The following BLTP2 variants were observed in gnomAD, a reference collection of about 807,000 sequenced individuals.
BLTP2 encodes the protein bridge-like lipid transfer protein family member 2.
the BLTP2 span, chr17:28,640,061 G>C: frequency 1.2e-6 from 2 of 1,608,100 alleles, no homozygotes; most frequent in Non-Finnish European, 8.5e-7. Flanking sequence ...GGAAGATGTG[G>C]AATGCCATTC....
chr17:28,644,852 G>A, the BLTP2 span: 1 of 655,296 alleles, frequency 1.5e-6, no homozygotes, highest in South Asian at 1.8e-5. Flanking sequence ...CTCGCCGCGC[G>A]CCCCCTCCCT....
the BLTP2 span, chr17:28,619,012 G>GC: frequency 6.4e-7 from 1 of 1,553,698 alleles, no homozygotes; most frequent in South Asian, 1.1e-5. Flanking sequence ...AAGGGAAACA[G>GC]CACATGGGTT....
chr17:28,616,824 G>A, the BLTP2 span: 13 of 1,606,058 alleles, frequency 8.1e-6, no homozygotes, highest in African/African-American at 2.7e-5. The surrounding 1 kb of genome is among the most constrained non-coding windows in gnomAD (Gnocchi z 4.8). Flanking sequence ...TCCTAATATC[G>A]TGTAACACAC....
At chr17:28,631,990 A>C in the BLTP2 span, 1 of 1,607,418 alleles carries the variant, frequency 6.2e-7, no homozygotes, top group Non-Finnish European at 8.5e-7. Flanking sequence ...CAATATGAGA[A>C]ACAAGAAAAC....
chr17:28,619,138 G>C, the BLTP2 span, among the ~76,000 whole-genome samples: 1 of 152,094 alleles, frequency 6.6e-6, no homozygotes, highest in African/African-American at 2.4e-5. Flanking sequence ...TGACATTCTA[G>C]GTCATAGGAG....
chr17:28,631,049 A>T, the BLTP2 span, among the ~76,000 whole-genome samples: 1 of 152,228 alleles, frequency 6.6e-6, no homozygotes, highest in African/African-American at 2.4e-5. Context: ...TTAATCTGCA[A>T]CCTACTCCTA....
the BLTP2 span, chr17:28,638,929 T>A: frequency 2.3e-6 from 1 of 430,458 alleles, no homozygotes; most frequent in Non-Finnish European, 4.1e-6. Flanking sequence ...GAACCTAAAA[T>A]AACCAAGAAG....
At chr17:28,639,441 G>A in the BLTP2 span, 2 of 1,612,728 alleles carry the variant, frequency 1.2e-6, no homozygotes, top group Admixed American at 1.7e-5. Context: ...TAGGGAGGCT[G>A]AGAGGTCAAT....
At chr17:28,641,810 G>GT in the BLTP2 span, 42 of 1,263,008 alleles carry the variant, frequency 3.3e-5, no homozygotes, top group South Asian at 5.5e-4. Flanking sequence ...TAAATAAGCA[G>GT]TGAGACCACT....
the BLTP2 span, chr17:28,632,367 A>G: frequency 1.4e-6 from 1 of 691,424 alleles, no homozygotes; most frequent in Non-Finnish European, 2.4e-6. Context: ...CCTCACATTC[A>G]GCATCCCCAA....
the BLTP2 span, chr17:28,638,154 C>G: frequency 6.3e-7 from 1 of 1,599,354 alleles, no homozygotes; most frequent in Non-Finnish European, 8.5e-7. Context: ...TTATAATGCC[C>G]TAATGCACTT....
At chr17:28,637,938 C>G in the BLTP2 span, 3 of 1,614,100 alleles carry the variant, frequency 1.9e-6, no homozygotes, top group Admixed American at 1.7e-5. Context: ...CTAGAGACAG[C>G]TGACTTCCCA....
chr17:28,618,863 C>T, the BLTP2 span: 1 of 1,614,066 alleles, frequency 6.2e-7, no homozygotes, highest in Admixed American at 1.7e-5. Context: ...TCAGGCGCCA[C>T]CGTGCCTGAG....
At chr17:28,620,640 T>C in the BLTP2 span, 1 of 1,611,658 alleles carries the variant, frequency 6.2e-7, no homozygotes, top group South Asian at 1.1e-5. Context: ...CCTAGATAAT[T>C]GTTAGCAGCT....
the BLTP2 span, chr17:28,617,323 A>G: frequency 9.9e-6 from 16 of 1,611,600 alleles, no homozygotes; most frequent in East Asian, 3.1e-4. Flanking sequence ...ATTCACCTAT[A>G]AAGACAGATT....
the BLTP2 span, chr17:28,619,838 ACTAT>A: frequency 1.9e-6 from 3 of 1,613,436 alleles, no homozygotes; most frequent in Non-Finnish European, 2.5e-6. Flanking sequence ...TGGTTCTCAA[ACTAT>A]CTATCTGCAG....
the BLTP2 span, among the ~76,000 whole-genome samples, chr17:28,630,490 T>C: frequency 2.7e-5 from 4 of 146,714 alleles, no homozygotes; most frequent in Non-Finnish European, 6.0e-5. Flanking sequence ...TTTTTTTTTT[T>C]GTATTTTGGA....
chr17:28,632,504 G>T, the BLTP2 span, among the ~76,000 whole-genome samples: 1 of 152,094 alleles, frequency 6.6e-6, no homozygotes, highest in South Asian at 2.1e-4. Context: ...GGGCCTCTGG[G>T]AGGTCACTAG....
the BLTP2 span, chr17:28,641,942 C>T: frequency 1.2e-6 from 2 of 1,614,160 alleles, no homozygotes; most frequent in Non-Finnish European, 1.7e-6. Flanking sequence ...CAGCAGTTGG[C>T]TCTGGAAGAG....
Sources: allele counts gnomAD v4.1 joint callset (sites outside exome capture counted in the v4.1 genomes callset), GRCh38; gene constraint gnomAD v4.1.1; non-coding constraint Gnocchi (gnomAD v3.1); transcripts MANE v1.5; gene names NCBI Gene and HGNC (gene_info 2026-07-23, HGNC 2026-07-21).